Variants in CAMK4 observed in about 807,000 individuals in gnomAD.
CAMK4 encodes calcium/calmodulin dependent protein kinase IV, also known as calcium/calmodulin-dependent protein kinase type IV.
In CAMK4, 22 loss-of-function variants were observed where a neutral mutation model predicts 44.9. That is an observed-to-expected ratio of 0.49 (90% CI 0.35 to 0.70). The LOEUF (loss-of-function observed/expected upper bound fraction) is 0.70. Ranked by LOEUF, CAMK4 falls within the 30% of genes least tolerant of loss-of-function variation. CAMK4 has a pLI of 0.01. For synonymous variants in CAMK4, 218 were observed against 215.4 expected, an observed-to-expected ratio of 1.01 and a Z score of -0.11; for missense variants, 498 against 586.8, an observed-to-expected ratio of 0.85 and a Z score of 1.56.
At chr5:111,407,874 T>G (rs935914106) in intron 5 of CAMK4, among the ~76,000 whole-genome samples, 2 of 152,092 alleles carry the variant, frequency 1.3e-5, no homozygotes, top group African/African-American at 4.8e-5. Context: ...GCCTGTAATC[T>G]CAGCACCTTG....
intron 1 of CAMK4, among the ~76,000 whole-genome samples, chr5:111,341,547 A>T (rs1201098313): frequency 6.6e-6 from 1 of 151,178 alleles, no homozygotes; most frequent in Non-Finnish European, 1.5e-5. Context: ...CCTTTTTTAA[A>T]AAAAAGTAAA....
At chr5:111,247,763 G>A (rs1217075571) in intron 1 of CAMK4, among the ~76,000 whole-genome samples, 4 of 152,014 alleles carry the variant, frequency 2.6e-5, no homozygotes, top group African/African-American at 7.2e-5. Context: ...AATTGTAGCC[G>A]TTAACTGTAT....
At chr5:111,465,041 C>G (rs1259555346) in intron 7 of CAMK4, among the ~76,000 whole-genome samples, 4 of 152,138 alleles carry the variant, frequency 2.6e-5, no homozygotes, top group Non-Finnish European at 5.9e-5. Context: ...GTATATTGAG[C>G]CAGACATCTG....
intron 2 of CAMK4, among the ~76,000 whole-genome samples, chr5:111,346,482 T>TTATCTATCTATC (rs58011893): frequency 0.19 from 28,189 of 149,886 alleles, 2,770 homozygotes; most frequent in Middle Eastern, 0.26. Flanking sequence ...GCTTGAAACT[T>TTATCTATCTATC]TATCTATCTA....
intron 7 of CAMK4, among the ~76,000 whole-genome samples, chr5:111,463,044 C>T (rs1754695844): frequency 6.6e-6 from 1 of 152,040 alleles, no homozygotes; most frequent in African/African-American, 2.4e-5. Flanking sequence ...ATTCTAAGAC[C>T]GTTTACCAAA....
chr5:111,267,483 G>A (rs1458034000), intron 1 of CAMK4, among the ~76,000 whole-genome samples: 1 of 151,976 alleles, frequency 6.6e-6, no homozygotes, highest in African/African-American at 2.4e-5. Context: ...TTGGGAGGCC[G>A]AGGCGGGCGG....
intron 2 of CAMK4, among the ~76,000 whole-genome samples, chr5:111,362,699 C>T (rs1010104452): frequency 2.0e-5 from 3 of 151,996 alleles, no homozygotes; most frequent in Non-Finnish European, 4.4e-5. Flanking sequence ...AACATTAATT[C>T]TCTCTTTGTT....
chr5:111,404,307 C>A (rs1335763724), intron 5 of CAMK4, among the ~76,000 whole-genome samples: 1 of 152,174 alleles, frequency 6.6e-6, no homozygotes, highest in Non-Finnish European at 1.5e-5. Context: ...GACACAAGGA[C>A]ACTCAAGTGT....
intron 7 of CAMK4, among the ~76,000 whole-genome samples, chr5:111,457,604 G>T (rs1185081144): frequency 6.6e-6 from 1 of 152,172 alleles, no homozygotes. Context: ...GAACAGAAGA[G>T]ATCTCTGCTT....
At chr5:111,387,926 C>T (rs1751663405) in intron 4 of CAMK4, among the ~76,000 whole-genome samples, 1 of 152,194 alleles carries the variant, frequency 6.6e-6, no homozygotes, top group Non-Finnish European at 1.5e-5. Context: ...CACTTGCAGT[C>T]ATAGTTCTAA....
chr5:111,229,554 T>G (rs1276130042), intron 1 of CAMK4, among the ~76,000 whole-genome samples: 1 of 152,170 alleles, frequency 6.6e-6, no homozygotes, highest in Non-Finnish European at 1.5e-5. Flanking sequence ...AGATTCTCCT[T>G]TTTTTTGGTC....
intron 7 of CAMK4, among the ~76,000 whole-genome samples, chr5:111,463,278 A>G (rs1465867487): frequency 5.9e-5 from 9 of 152,196 alleles, no homozygotes; most frequent in Non-Finnish European, 1.3e-4. Context: ...TGTTTTACAA[A>G]TCAGCAAGAA....
At chr5:111,365,405 G>A (rs1417671248) in intron 2 of CAMK4, among the ~76,000 whole-genome samples, 1 of 152,094 alleles carries the variant, frequency 6.6e-6, no homozygotes, top group Non-Finnish European at 1.5e-5. Context: ...AAAGAACTGA[G>A]AGGCAAGAAT....
intron 1 of CAMK4, among the ~76,000 whole-genome samples, chr5:111,247,435 ACATAAATT>A (rs1216401518): frequency 1.8e-4 from 27 of 148,238 alleles, no homozygotes; most frequent in African/African-American, 7.3e-5. Context: ...ACTTATAGAT[ACATAAATT>A]TATAAATTTC....
chr5:111,382,176 C>T (rs1751441922), intron 4 of CAMK4, among the ~76,000 whole-genome samples: 1 of 152,112 alleles, frequency 6.6e-6, no homozygotes. Flanking sequence ...GTATTATTAT[C>T]CATATCTTTC....
Position 111,488,626 on chromosome 5 carries a change from G to A in CAMK4, c.*4160G>A, listed in dbSNP as rs1325844340. The stretch of plus-strand genomic sequence containing the variant: ...ATAAATCAGTTTTTATTGCACAGAA[G>A]CAGCTGGTTGTATTTCAAGTTGGAA... On this transcript the variant is annotated 3_prime_UTR_variant, in exon 11 of 11. Coordinates refer to ENST00000282356, the MANE Select transcript of CAMK4 (RefSeq NM_001744.6). 1 of 152,166 alleles carries A rather than the reference G, an allele frequency of 6.6e-6. No homozygotes were observed. The highest frequency in any genetic ancestry group is 1.5e-5 in the Non-Finnish European group (1 of 68,024). The allele number at this position is 152,166 out of a possible 1,614,324, so 9.4% of individuals were successfully genotyped here. A position where few individuals can be genotyped will look rare whatever the true frequency, so the allele number is the denominator to read the frequency against.
upstream of CAMK4, chr5:111,224,334 C>G (rs1026273887): frequency 1.2e-5 from 14 of 1,174,288 alleles, no homozygotes; most frequent in Admixed American, 3.5e-4. The surrounding 1 kb of genome is among the most constrained non-coding windows in gnomAD (Gnocchi z 5.7). Flanking sequence ...ACCGTCCCTG[C>G]GAGCGCGGGC....
chr5:111,263,671 G>T (rs1486583228), intron 1 of CAMK4, among the ~76,000 whole-genome samples: 1 of 152,120 alleles, frequency 6.6e-6, no homozygotes, highest in Non-Finnish European at 1.5e-5. Context: ...AGTCCAAATT[G>T]TTCTGATTGA....
chr5:111,355,255 C>T (rs1750288346), intron 2 of CAMK4, among the ~76,000 whole-genome samples: 2 of 151,994 alleles, frequency 1.3e-5, no homozygotes, highest in African/African-American at 4.8e-5. Context: ...ACTATCAAAC[C>T]AGGTCTCCTG....
Sources: gnomAD v4.1 joint callset for allele counts (sites outside exome capture counted in the v4.1 genomes callset) on GRCh38, gnomAD v4.1.1 for gene constraint, Gnocchi (gnomAD v3.1) non-coding constraint, MANE v1.5 for transcripts, NCBI Gene and HGNC (gene_info 2026-07-23, HGNC 2026-07-21) for gene names.